The following PTCHD4 variants were observed in gnomAD, a reference collection of about 807,000 sequenced individuals.
PTCHD4 encodes patched domain containing 4, also known as patched domain-containing protein 4.
Under a neutral mutation model 58.1 loss-of-function variants are expected in PTCHD4, and 33 were observed. The ratio of observed to expected loss-of-function variants is 0.57; its 90% CI spans 0.43 to 0.76. PTCHD4 has a LOEUF of 0.76. Ranked by LOEUF, PTCHD4 falls within the 30% of genes least tolerant of loss-of-function variation. The pLI, the probability that PTCHD4 is intolerant of heterozygous loss-of-function variation, is 0.00. For synonymous variants in PTCHD4, 478 were observed against 409.6 expected (o/e 1.17, Z -2.02); for missense variants, 1,058 against 1,027.1 (o/e 1.03, Z -0.41).
At chr6:47,892,967 C>T (rs541825596) in intron 4 of PTCHD4, among the ~76,000 whole-genome samples, 1 of 152,276 alleles carries the variant, frequency 6.6e-6, no homozygotes, top group Non-Finnish European at 1.5e-5. Flanking sequence ...TCAACCAGAA[C>T]TTCCTTTTTG....
At chr6:47,953,073 A>ATGAGGT (rs1766714919) in intron 4 of PTCHD4, among the ~76,000 whole-genome samples, 1 of 151,364 alleles carries the variant, frequency 6.6e-6, no homozygotes, top group African/African-American at 2.4e-5. Flanking sequence ...TTGTGATAGG[A>ATGAGGT]TGAGGATGAT....
intron 1 of PTCHD4, among the ~76,000 whole-genome samples, chr6:48,099,928 C>A (rs1765564081): frequency 6.6e-6 from 1 of 152,192 alleles, no homozygotes; most frequent in Non-Finnish European, 1.5e-5. Context: ...TAAGCAATTT[C>A]AGTTACTGGC....
chr6:47,982,671 T>A (rs766731984), intron 4 of PTCHD4, among the ~76,000 whole-genome samples: 1 of 152,036 alleles, frequency 6.6e-6, no homozygotes, highest in Non-Finnish European at 1.5e-5. Flanking sequence ...GTATTTTCAG[T>A]AGAGACGGGG....
At chr6:48,039,018 C>T (rs186875383) in intron 3 of PTCHD4, among the ~76,000 whole-genome samples, 1 of 152,152 alleles carries the variant, frequency 6.6e-6, no homozygotes, top group Non-Finnish European at 1.5e-5. Context: ...AATGCAGAGA[C>T]TCCATGATTC....
intron 1 of PTCHD4, among the ~76,000 whole-genome samples, chr6:48,104,067 C>A (rs1459428753): frequency 6.6e-6 from 1 of 152,166 alleles, no homozygotes; most frequent in Non-Finnish European, 1.5e-5. Flanking sequence ...TCTAGCAAGG[C>A]AGGCCAACAT....
chr6:47,885,938 C>T (rs6913298), intron 4 of PTCHD4, among the ~76,000 whole-genome samples: 97,122 of 151,568 alleles, frequency 0.64, 32,103 homozygotes, highest in East Asian at 0.78. Context: ...CCAGCCTTAG[C>T]CTCCTGAGTA....
chr6:47,860,971 C>T lies in PTCHD4; in HGVS notation c.*17332G>A, dbSNP rs1763412050. Among the ~76,000 whole-genome samples the T allele has an allele frequency of 6.6e-6, 1 of 151,900 alleles. No individual in the cohort carries two copies. The highest frequency in any genetic ancestry group is 2.1e-4 in the South Asian group (1 of 4,832). ...ACTAAGAAACAGAGTTGATGTGCTC[C>T]ATGCTGAGGTCGAATGAAGAAGATA... On this transcript the variant is annotated 3_prime_UTR_variant, in exon 5 of 5. Coordinates refer to ENST00000339488, the MANE Select transcript of PTCHD4 (RefSeq NM_001384253.1).
intron 4 of PTCHD4, among the ~76,000 whole-genome samples, chr6:47,897,329 C>A (rs901379515): frequency 1.3e-5 from 2 of 152,214 alleles, no homozygotes. Context: ...TCTCATTTCT[C>A]TCTCCTGCAC....
intron 4 of PTCHD4, among the ~76,000 whole-genome samples, chr6:47,905,854 G>A (rs920581059): frequency 4.6e-5 from 7 of 152,088 alleles, no homozygotes; most frequent in Non-Finnish European, 1.0e-4. Context: ...GCTACCAGTC[G>A]GCCTATGGCT....
At chr6:48,048,161 G>T (rs1764107397) in intron 3 of PTCHD4, among the ~76,000 whole-genome samples, 1 of 151,846 alleles carries the variant, frequency 6.6e-6, no homozygotes, top group South Asian at 2.1e-4. Flanking sequence ...TGGTTTCCAG[G>T]GTTGTATGAA....
intron 3 of PTCHD4, among the ~76,000 whole-genome samples, chr6:48,050,433 G>C (rs1473975571): frequency 6.6e-6 from 1 of 151,962 alleles, no homozygotes; most frequent in Non-Finnish European, 1.5e-5. Flanking sequence ...GAAGACTGAG[G>C]GAACTATATG....
At chr6:47,940,842 G>A (rs985530692) in intron 4 of PTCHD4, among the ~76,000 whole-genome samples, 1 of 152,128 alleles carries the variant, frequency 6.6e-6, no homozygotes, top group Non-Finnish European at 1.5e-5. Context: ...GGGAGCAATA[G>A]GCCATCTCGA....
intron 4 of PTCHD4, among the ~76,000 whole-genome samples, chr6:47,979,331 T>G (rs1581965592): frequency 2.0e-5 from 3 of 151,932 alleles, no homozygotes; most frequent in Middle Eastern, 6.8e-3. Context: ...GTATATAAAT[T>G]TTACATAAAT....
chr6:47,956,579 G>A (rs996272047), intron 4 of PTCHD4, among the ~76,000 whole-genome samples: 1 of 151,768 alleles, frequency 6.6e-6, no homozygotes, highest in Admixed American at 6.6e-5. Flanking sequence ...GACTACAGGC[G>A]CCCACCACCA....
intron 4 of PTCHD4, among the ~76,000 whole-genome samples, chr6:47,948,232 T>C (rs1337876809): frequency 6.6e-6 from 1 of 152,200 alleles, no homozygotes; most frequent in East Asian, 1.9e-4. Flanking sequence ...TGCCCTCAGC[T>C]CCTAGAGGCT....
chr6:47,897,569 A>T (rs560385718), intron 4 of PTCHD4, among the ~76,000 whole-genome samples: 6 of 152,314 alleles, frequency 3.9e-5, no homozygotes, highest in African/African-American at 1.4e-4. Context: ...ATTAAGACCT[A>T]ATTCTCCCTT....
chr6:48,101,855 C>A (rs6931384), intron 1 of PTCHD4, among the ~76,000 whole-genome samples: 23,846 of 152,142 alleles, frequency 0.16, 1,936 homozygotes, highest in African/African-American at 0.21. Context: ...TCTAGCTAAT[C>A]AGGTCCTCTA....
intron 4 of PTCHD4, among the ~76,000 whole-genome samples, chr6:47,897,159 G>T (rs1227694261): frequency 6.6e-6 from 1 of 152,066 alleles, no homozygotes; most frequent in African/African-American, 2.4e-5. Flanking sequence ...CTTTCATTTG[G>T]GTAGTGTTAA....
intron 4 of PTCHD4, among the ~76,000 whole-genome samples, chr6:48,007,796 G>A (rs939337136): frequency 2.6e-5 from 4 of 152,184 alleles, no homozygotes; most frequent in African/African-American, 4.8e-5. Flanking sequence ...CACACCTGAT[G>A]TGTAGAACCC....
Sources: gnomAD v4.1 joint callset for allele counts (sites outside exome capture counted in the v4.1 genomes callset) on GRCh38, gnomAD v4.1.1 for gene constraint, MANE v1.5 for transcripts, NCBI Gene and HGNC (gene_info 2026-07-23, HGNC 2026-07-21) for gene names.